YTHDC2: variants seen among roughly 807,000 people sequenced by gnomAD.
YTHDC2 encodes YTH N6-methyladenosine RNA binding protein C2, also known as 3'-5' RNA helicase YTHDC2.
Under a neutral mutation model 174.9 loss-of-function variants are expected in YTHDC2, and 45 were observed. That is an observed-to-expected ratio of 0.26 (90% CI 0.20 to 0.33). The LOEUF is 0.33. Among genes scored for constraint, YTHDC2 ranks in the 10% least tolerant of loss-of-function variants. The pLI, the probability that YTHDC2 is intolerant of heterozygous loss-of-function variation, is 1.00. For synonymous variants in YTHDC2, 657 were observed against 574.5 expected (o/e 1.14, Z -2.05); for missense variants, 1,650 against 1,723.7 (o/e 0.96, Z 0.76).
intron 10 of YTHDC2, 40 bp downstream of exon 10, chr5:113,542,543 A>T: frequency 6.4e-7 from 1 of 1,551,432 alleles, no homozygotes; most frequent in East Asian, 2.3e-5. Flanking sequence ...CCTTACAGTT[A>T]TTTATGGTGG....
Position 113,564,089 on chromosome 5 carries a change from A to G in YTHDC2, c.2673A>G (p.Ala891=), listed in dbSNP as rs1208351743. The change falls in exon 20 of 30, where the codon GCA becomes GCG. Residue 891 remains alanine, a synonymous_variant. Transcript: ENST00000161863. ...TGCTTTGTAGGAAACGTTTTACTGCAGGAGCTTTCAGTGACCATATGGCAC... is the reference window on the plus strand; with the variant it reads ...TGCTTTGTAGGAAACGTTTTACTGCGGGAGCTTTCAGTGACCATATGGCAC... ...AAMLCRKRFT[A]GAFSDHMALL... 2 of 1,614,060 alleles carry G rather than the reference A, an allele frequency of 1.2e-6. No homozygotes were observed. The highest frequency in any genetic ancestry group is 1.3e-5 in the African/African-American group (1 of 74,948).
At chr5:113,534,719 C>T (rs763500186) in intron 6 of YTHDC2, among the ~76,000 whole-genome samples, 4 of 151,104 alleles carry the variant, frequency 2.6e-5, no homozygotes, top group Non-Finnish European at 5.9e-5. Context: ...TTAGAGTTCT[C>T]AAAAAAAAGG....
chr5:113,581,803 A>G, intron 25 of YTHDC2, 94 bp downstream of exon 25: 1 of 1,136,118 alleles, frequency 8.8e-7, no homozygotes, highest in South Asian at 2.6e-5. Flanking sequence ...ATATTTAAAA[A>G]TTACTTTTTT....
At chr5:113,571,564 C>G (rs945352815) in intron 23 of YTHDC2, among the ~76,000 whole-genome samples, 3 of 152,182 alleles carry the variant, frequency 2.0e-5, no homozygotes, top group Non-Finnish European at 2.9e-5. Flanking sequence ...ATCAGCTCTT[C>G]TATGTACTTC....
chr5:113,563,602 C>CAA, intron 19 of YTHDC2, 110 bp downstream of exon 19: 5 of 1,241,650 alleles, frequency 4.0e-6, no homozygotes, highest in Non-Finnish European at 5.5e-6. Flanking sequence ...TTTTGTCCTC[C>CAA]TGCATGTGTC....
intron 2 of YTHDC2, chr5:113,517,741 C>T (rs1173246110): frequency 3.4e-6 from 1 of 290,802 alleles, no homozygotes; most frequent in Non-Finnish European, 7.0e-6. Flanking sequence ...TCTTAGTGGT[C>T]CTTGTGATTT....
chr5:113,570,225 T>A (rs1777630190), intron 23 of YTHDC2, among the ~76,000 whole-genome samples: 2 of 151,874 alleles, frequency 1.3e-5, no homozygotes, highest in Admixed American at 1.3e-4. Context: ...GACTCCTGAG[T>A]AGCTGGGATT....
At chr5:113,567,044 G>C (rs1361345187) in intron 21 of YTHDC2, 48 bp from the exon 22 acceptor site, 4 of 1,556,424 alleles carry the variant, frequency 2.6e-6, no homozygotes, top group Non-Finnish European at 3.5e-6. Flanking sequence ...ATACACAAAA[G>C]TATCTTTTGC....
At chr5:113,514,166 TG>T in intron 1 of YTHDC2, 84 bp downstream of exon 1, 2 of 1,490,442 alleles carry the variant, frequency 1.3e-6, no homozygotes, top group Non-Finnish European at 1.8e-6. Context: ...CACCGAGTGA[TG>T]GGGGTGCCTC....
At chr5:113,533,863 A>G (rs1774866969) in intron 5 of YTHDC2, among the ~76,000 whole-genome samples, 1 of 152,176 alleles carries the variant, frequency 6.6e-6, no homozygotes, top group African/African-American at 2.4e-5. Context: ...GGGATGCTCA[A>G]CTGGAGGTAT....
chr5:113,556,538 AATAC>A (rs1776623308), intron 17 of YTHDC2, among the ~76,000 whole-genome samples: 1 of 152,224 alleles, frequency 6.6e-6, no homozygotes, highest in East Asian at 1.9e-4. Flanking sequence ...ATGTCCTACT[AATAC>A]ATTAACCTCA....
At chr5:113,570,815 T>G (rs1449563217) in intron 23 of YTHDC2, among the ~76,000 whole-genome samples, 1 of 150,980 alleles carries the variant, frequency 6.6e-6, no homozygotes, top group Non-Finnish European at 1.5e-5. Flanking sequence ...CATACTCCAC[T>G]AATTTTTTTT....
At chr5:113,529,628 T>C (rs1774515466) in intron 4 of YTHDC2, among the ~76,000 whole-genome samples, 1 of 152,154 alleles carries the variant, frequency 6.6e-6, no homozygotes, top group African/African-American at 2.4e-5. Context: ...TTCTTAGTTA[T>C]CTTTTATTTG....
At chr5:113,537,116 C>G (rs1181676194) in intron 7 of YTHDC2, among the ~76,000 whole-genome samples, 1 of 152,042 alleles carries the variant, frequency 6.6e-6, no homozygotes, top group Non-Finnish European at 1.5e-5. Flanking sequence ...TACTGGATTT[C>G]TAGGGATAGA....
chr5:113,515,983 C>T (rs778786957), intron 2 of YTHDC2, among the ~76,000 whole-genome samples: 5 of 152,122 alleles, frequency 3.3e-5, no homozygotes, highest in East Asian at 1.9e-4. Flanking sequence ...CAGGGGAAGG[C>T]GGAGTTTTTC....
intron 24 of YTHDC2, chr5:113,579,896 T>G (rs1015219824): frequency 6.1e-6 from 6 of 985,286 alleles, no homozygotes; most frequent in Non-Finnish European, 7.2e-6. Context: ...AACCTAGTTG[T>G]GGCTCATTAT....
chr5:113,514,148 C>G (rs1323100704), intron 1 of YTHDC2, 66 bp downstream of exon 1: 7 of 1,541,350 alleles, frequency 4.5e-6, no homozygotes, highest in Non-Finnish European at 6.1e-6. Context: ...GCCCCCCAAA[C>G]GGCGGCCCAC....
chr5:113,569,221 C>G (rs889692829), intron 23 of YTHDC2, among the ~76,000 whole-genome samples: 7 of 151,960 alleles, frequency 4.6e-5, no homozygotes, highest in Non-Finnish European at 1.5e-5. Flanking sequence ...TGCTTAAGTT[C>G]CTTGTATACT....
chr5:113,586,726 A>G (rs938991195), intron 26 of YTHDC2, among the ~76,000 whole-genome samples: 2 of 150,828 alleles, frequency 1.3e-5, no homozygotes, highest in Non-Finnish European at 3.0e-5. Flanking sequence ...TTTTGCTTAT[A>G]CAATTGTTCC....
Sources: allele counts gnomAD v4.1 joint callset (sites outside exome capture counted in the v4.1 genomes callset), GRCh38; gene constraint gnomAD v4.1.1; transcripts MANE v1.5; gene names NCBI Gene and HGNC (gene_info 2026-07-23, HGNC 2026-07-21).